Variants in GALNT2 observed in about 807,000 individuals in gnomAD.
GALNT2 encodes the protein UDP-GalNAc:polypeptide N-acetylgalactosaminyltransferase 2.
Under a neutral mutation model 81.4 loss-of-function variants are expected in GALNT2, and 31 were observed. The ratio of observed to expected loss-of-function variants is 0.38; its 90% confidence interval spans 0.29 to 0.51. The LOEUF (loss-of-function observed/expected upper bound fraction) is 0.51, where lower values mean the gene tolerates loss of function less well. Among genes scored for constraint, GALNT2 ranks in the 20% least tolerant of loss-of-function variants. GALNT2 has a pLI of 0.87. For synonymous variants in GALNT2, 303 were observed against 287.4 expected (o/e 1.05, Z -0.55); for missense variants, 629 against 765.7 (o/e 0.82, Z 2.11).
intron 1 of GALNT2, among the ~76,000 whole-genome samples, chr1:230,112,841 T>C (rs1453422609): frequency 2.0e-5 from 3 of 152,158 alleles, no homozygotes; most frequent in Non-Finnish European, 4.4e-5. Flanking sequence ...ACTCTTGGGC[T>C]GTGAGCCAGG....
intron 1 of GALNT2, among the ~76,000 whole-genome samples, chr1:230,156,605 C>T (rs1485687766): frequency 6.6e-6 from 1 of 152,106 alleles, no homozygotes; most frequent in East Asian, 1.9e-4. Flanking sequence ...TTTTTTTGGC[C>T]CTTAAACTAT....
At position 230,270,292 on chromosome 1, in the gene GALNT2, G is replaced by A. The variant is rs189713703; in HGVS notation, c.1441-4153G>A. 2.2e-3 allele frequency among the ~76,000 whole-genome samples: 332 copies of A among 152,360 alleles called. 2 individuals carry two copies. The highest frequency in any genetic ancestry group is 3.6e-3 in the Non-Finnish European group (245 of 68,042). ...AACACATCAGCACATACAATGTGAT[G>A]TGAGATGGCAGGATGACATGATGTA... is the stretch of plus-strand genomic sequence containing the variant. On this transcript the variant is annotated intron_variant, in intron 14 of 15. Coordinates refer to ENST00000366672, the MANE Select transcript of GALNT2 (RefSeq NM_004481.5).
chr1:230,132,601 C>A (rs1221430856), intron 1 of GALNT2, among the ~76,000 whole-genome samples: 2 of 152,166 alleles, frequency 1.3e-5, no homozygotes, highest in Non-Finnish European at 2.9e-5. Flanking sequence ...TGCAGACTGT[C>A]TTGGAACTTG....
chr1:230,219,614 C>G (rs1664487420), intron 3 of GALNT2, among the ~76,000 whole-genome samples: 2 of 152,074 alleles, frequency 1.3e-5, no homozygotes, highest in Admixed American at 6.5e-5. Flanking sequence ...CCTGGATCCC[C>G]CTCCTGGGCC....
rs1660507390 is a variant in GALNT2, at chr1:230,105,204, G to A, written c.126+37798G>A. Among the ~76,000 whole-genome samples, 3 of 152,194 alleles carry A rather than the reference G, an allele frequency of 2.0e-5. No individual in the cohort carries two copies. The South Asian group carries it at 6.2e-4, about 32-fold the overall frequency. ...GCTCAGACCTCCTTTCAGAGCAACT[G>A]AATCATTCTCCAGGAGGGACAGGGA... On this transcript the variant is annotated intron_variant, in intron 1 of 15. Transcript: ENST00000366672.
rs1666391488 is a variant in GALNT2 at position 230,279,937 on chromosome 1, G to A, written c.*479G>A. On this transcript the variant is annotated 3_prime_UTR_variant, in exon 16 of 16. Transcript: ENST00000366672. The surrounding 1 kb of genome is among the most constrained non-coding windows in gnomAD (Gnocchi z 4.6). ...AAAGCCGAGTCGTGTCACGTGGCAG[G>A]TTTACGTCAATAGTCCCTCTCTCTG... 4.4e-6 allele frequency: 2 copies of A among 456,422 alleles called. No homozygotes were observed. Among genetic ancestry groups the A allele is most frequent in the African/African-American group, 2.0e-5 (1 of 50,078 alleles). The allele number at this position is 456,422 out of a possible 1,614,324, so 28.3% of individuals were successfully genotyped here.
intron 1 of GALNT2, among the ~76,000 whole-genome samples, chr1:230,109,911 T>A (rs1396842743): frequency 6.6e-6 from 1 of 152,228 alleles, no homozygotes; most frequent in Admixed American, 6.5e-5. Context: ...GCTCATTTTA[T>A]GCATTTGCTA....
intron 3 of GALNT2, among the ~76,000 whole-genome samples, chr1:230,233,439 C>T (rs1487181369): frequency 6.6e-6 from 1 of 152,120 alleles, no homozygotes; most frequent in Middle Eastern, 3.2e-3. Context: ...ATGGTGAAAC[C>T]ACGTCTCTAC....
intron 1 of GALNT2, among the ~76,000 whole-genome samples, chr1:230,059,725 C>T (rs1404188566): frequency 6.6e-6 from 1 of 152,146 alleles, no homozygotes; most frequent in Admixed American, 6.5e-5. Flanking sequence ...AAAAATAGTG[C>T]AGAGAATTCA....
chr1:230,110,427 G>A (rs76438857), intron 1 of GALNT2, among the ~76,000 whole-genome samples: 94 of 152,330 alleles, frequency 6.2e-4, no homozygotes, highest in African/African-American at 2.1e-3. Context: ...AGGACAGGGC[G>A]TGGGGTGGCT....
intron 6 of GALNT2, among the ~76,000 whole-genome samples, chr1:230,239,003 A>G (rs188013547): frequency 3.3e-5 from 5 of 152,294 alleles, no homozygotes; most frequent in East Asian, 1.9e-4. Flanking sequence ...AACTAATTCA[A>G]TCTCTTTAAT....
chr1:230,093,028 A>G (rs1443672543), intron 1 of GALNT2, among the ~76,000 whole-genome samples: 3 of 152,150 alleles, frequency 2.0e-5, no homozygotes, highest in Non-Finnish European at 4.4e-5. Flanking sequence ...CCCCATCTAT[A>G]GGTCAAGAAC....
At chr1:230,220,790 G>A (rs967255307) in intron 3 of GALNT2, among the ~76,000 whole-genome samples, 8 of 152,084 alleles carry the variant, frequency 5.3e-5, no homozygotes, top group African/African-American at 1.9e-4. Flanking sequence ...ATGATGTGAC[G>A]GTGATGCTAA....
chr1:230,230,003 T>G (rs1048731394), intron 3 of GALNT2, among the ~76,000 whole-genome samples: 2 of 152,210 alleles, frequency 1.3e-5, no homozygotes, highest in African/African-American at 4.8e-5. Context: ...ATTTAAAATT[T>G]TTTTAATCAA....
chr1:230,250,359 G>A lies in GALNT2; in HGVS notation c.906-98G>A, dbSNP rs1427641448. 11 of 825,276 alleles carry A rather than the reference G, an allele frequency of 1.3e-5. No individual in the cohort carries two copies. In the Admixed American group the frequency reaches 2.0e-4, roughly 15 times the overall value. 51.1% of individuals were successfully genotyped at this position (825,276 alleles called of 1,614,324 possible). A position where few individuals can be genotyped will look rare whatever the true frequency, so the allele number is the denominator to read the frequency against. On this transcript the variant is annotated intron_variant, in intron 9 of 15. Transcript: ENST00000366672. The stretch of plus-strand genomic sequence containing the variant: ...TGGCTGTTCTGAAGATCAGCTTATT[G>A]TTAGGGAATCAAGGCTTGGCCTTGG...
intron 1 of GALNT2, among the ~76,000 whole-genome samples, chr1:230,149,914 A>G (rs1194664765): frequency 6.6e-6 from 1 of 152,184 alleles, no homozygotes; most frequent in Non-Finnish European, 1.5e-5. Flanking sequence ...TCCGGTGGCC[A>G]TCAGATCAAT....
At chr1:230,163,953 TG>T (rs2102849865) in intron 1 of GALNT2, among the ~76,000 whole-genome samples, 1 of 152,328 alleles carries the variant, frequency 6.6e-6, no homozygotes, top group South Asian at 2.1e-4. Flanking sequence ...GCCTGGACTC[TG>T]GGCCAGTCAC....
intron 9 of GALNT2, 23 bp from the exon 10 acceptor site, chr1:230,250,434 C>A (rs1665508493): frequency 1.9e-6 from 3 of 1,592,568 alleles, no homozygotes; most frequent in Non-Finnish European, 2.6e-6. Flanking sequence ...CCTCCCTCCC[C>A]CCTCTTCTTT....
upstream of GALNT2, among the ~76,000 whole-genome samples, chr1:230,066,145 TG>T (rs1659168116): frequency 1.3e-5 from 2 of 152,378 alleles, no homozygotes; most frequent in South Asian, 2.1e-4. Flanking sequence ...GTTGAGGATA[TG>T]GGTACGGACT....
Sources: allele counts gnomAD v4.1 joint callset (sites outside exome capture counted in the v4.1 genomes callset), GRCh38; gene constraint gnomAD v4.1.1; non-coding constraint Gnocchi (gnomAD v3.1); transcripts MANE v1.5; gene names NCBI Gene and HGNC (gene_info 2026-07-23, HGNC 2026-07-21).